Variants in LIN9 observed in about 807,000 individuals in gnomAD.
LIN9 encodes lin-9 DREAM MuvB core complex component.
LIN9 carries 18 observed loss-of-function variants against 78.0 expected under a neutral mutation model. The ratio of observed to expected loss-of-function variants is 0.23; its 90% CI spans 0.16 to 0.34. The LOEUF (loss-of-function observed/expected upper bound fraction) is 0.34, where lower values mean the gene tolerates loss of function less well. Among genes scored for constraint, LIN9 ranks in the 10% least tolerant of loss-of-function variants. LIN9 has a pLI of 1.00. For synonymous variants in LIN9, 192 were observed against 215.2 expected (o/e 0.89, Z 0.94); for missense variants, 451 against 644.1 (o/e 0.70, Z 3.25).
intron 4 of LIN9, among the ~76,000 whole-genome samples, chr1:226,292,600 C>T (rs1661863830): frequency 6.6e-6 from 1 of 151,930 alleles, no homozygotes; most frequent in African/African-American, 2.4e-5. Flanking sequence ...ACCACAGGTG[C>T]CCACCACCAT....
chr1:226,287,048 G>C (rs952909158), intron 5 of LIN9, among the ~76,000 whole-genome samples: 1 of 152,136 alleles, frequency 6.6e-6, no homozygotes, highest in Admixed American at 6.5e-5. Flanking sequence ...ACAAGCTCCA[G>C]AGTAGGCAAT....
chr1:226,309,389 A>C, upstream of LIN9: 6 of 989,398 alleles, frequency 6.1e-6, no homozygotes, highest in Non-Finnish European at 7.2e-6. Flanking sequence ...GGAGGAAGGG[A>C]GGAAGGAGGC....
intron 7 of LIN9, among the ~76,000 whole-genome samples, chr1:226,275,297 C>T (rs1470601254): frequency 6.6e-6 from 1 of 152,200 alleles, no homozygotes; most frequent in East Asian, 1.9e-4. Context: ...TCTTAGCTCA[C>T]AAACTATGCA....
intron 12 of LIN9, among the ~76,000 whole-genome samples, chr1:226,234,672 G>T (rs551096471): frequency 6.6e-6 from 1 of 152,180 alleles, no homozygotes; most frequent in East Asian, 1.9e-4. Context: ...AAGAGACCAA[G>T]ATCTGGGTCT....
At chr1:226,234,926 C>T (rs1657588237) in intron 12 of LIN9, among the ~76,000 whole-genome samples, 1 of 135,358 alleles carries the variant, frequency 7.4e-6, no homozygotes, top group African/African-American at 2.7e-5. Flanking sequence ...CAGTCTCACT[C>T]TGTTGCCCAG....
chr1:226,283,530 A>G (rs1661207326), intron 6 of LIN9, among the ~76,000 whole-genome samples: 1 of 152,018 alleles, frequency 6.6e-6, no homozygotes, highest in African/African-American at 2.4e-5. Flanking sequence ...ATAAGATGTG[A>G]TGGATATTTC....
At chr1:226,289,551 C>T (rs746213749) in intron 4 of LIN9, among the ~76,000 whole-genome samples, 5 of 152,022 alleles carry the variant, frequency 3.3e-5, no homozygotes, top group South Asian at 2.1e-4. Flanking sequence ...TTTGTGGAGA[C>T]GGGCTCTCGC....
At chr1:226,309,510 A>G (rs1008430899), upstream of LIN9, 5 of 1,135,778 alleles carry the variant, frequency 4.4e-6, no homozygotes, top group African/African-American at 5.1e-5. Context: ...AGCTGCGGGA[A>G]CTGCAGGCTG....
chr1:226,290,229 T>C (rs1404612050), intron 4 of LIN9, among the ~76,000 whole-genome samples: 3 of 151,200 alleles, frequency 2.0e-5, no homozygotes, highest in Non-Finnish European at 2.9e-5. Flanking sequence ...GAAAAAGGCA[T>C]AAACAGTTTA....
At chr1:226,261,603 C>G (rs1185403637) in intron 10 of LIN9, among the ~76,000 whole-genome samples, 1 of 152,138 alleles carries the variant, frequency 6.6e-6, no homozygotes, top group Admixed American at 6.5e-5. Flanking sequence ...GTGAGCAAAA[C>G]TCTGATGAAA....
At chr1:226,299,356 T>C (rs1662367642) in intron 2 of LIN9, among the ~76,000 whole-genome samples, 1 of 151,686 alleles carries the variant, frequency 6.6e-6, no homozygotes, top group Admixed American at 6.6e-5. Flanking sequence ...ATACAAAAAT[T>C]AGCCAGGTGT....
At chr1:226,240,134 G>C (rs1433720824) in intron 11 of LIN9, among the ~76,000 whole-genome samples, 1 of 152,172 alleles carries the variant, frequency 6.6e-6, no homozygotes, top group African/African-American at 2.4e-5. Flanking sequence ...CTGAGGCCTA[G>C]AAAAGTTAAA....
chr1:226,308,963 C>A, intron 1 of LIN9, 146 bp downstream of exon 1: 2 of 735,420 alleles, frequency 2.7e-6, no homozygotes, highest in Non-Finnish European at 3.8e-6. Flanking sequence ...GGCGGCAACA[C>A]CGGAGTGGGA....
intron 1 of LIN9, among the ~76,000 whole-genome samples, chr1:226,303,499 G>A (rs962594311): frequency 2.0e-5 from 3 of 152,208 alleles, no homozygotes; most frequent in South Asian, 4.1e-4. Flanking sequence ...TGAAGGAAGA[G>A]GTATATAGGC....
intron 4 of LIN9, among the ~76,000 whole-genome samples, chr1:226,290,619 C>T (rs894360601): frequency 3.3e-5 from 5 of 151,538 alleles, no homozygotes; most frequent in African/African-American, 7.3e-5. Flanking sequence ...GGATTACAGG[C>T]GTAAGCCACC....
rs1576319589 is a variant in LIN9 at position 226,271,548 on chromosome 1, T to C, written c.683-3458A>G. ...AAGCCATTTGCCTATGTAAATAATA[T>C]GTATTCTGCAGTTGAGTGTATTGTT... On this transcript the variant is annotated intron_variant, in intron 7 of 14. Coordinates refer to ENST00000681046, the MANE Select transcript of LIN9 (RefSeq NM_001366245.2). 7.9e-5 allele frequency among the ~76,000 whole-genome samples: 12 copies of C among 152,304 alleles called. No individual in the cohort carries two copies. In the South Asian group the frequency reaches 2.5e-3, roughly 32 times the overall value.
At chr1:226,301,780 A>G (rs1662549991) in intron 1 of LIN9, among the ~76,000 whole-genome samples, 1 of 152,226 alleles carries the variant, frequency 6.6e-6, no homozygotes, top group African/African-American at 2.4e-5. Flanking sequence ...TCCAGTGTAC[A>G]TTAGAGGCCA....
intron 10 of LIN9, among the ~76,000 whole-genome samples, chr1:226,254,805 G>A (rs1659078627): frequency 6.6e-6 from 1 of 151,766 alleles, no homozygotes; most frequent in African/African-American, 2.4e-5. Context: ...CAGCTACTCG[G>A]GAGGCTGAGG....
intron 7 of LIN9, among the ~76,000 whole-genome samples, chr1:226,272,048 TAA>T (rs1558182469): frequency 2.1e-5 from 3 of 144,666 alleles, no homozygotes; most frequent in African/African-American, 8.6e-5. Context: ...CTCATTATCT[TAA>T]CTTTTTTTTT....
Sources: gnomAD v4.1 joint callset for allele counts (sites outside exome capture counted in the v4.1 genomes callset) on GRCh38, gnomAD v4.1.1 for gene constraint, MANE v1.5 for transcripts, NCBI Gene and HGNC (gene_info 2026-07-23, HGNC 2026-07-21) for gene names.